The following KCNH5 variants were observed in gnomAD, a reference collection of about 807,000 sequenced individuals.
The protein encoded by KCNH5 is potassium voltage-gated channel subfamily H member 5.
Under a neutral mutation model 96.1 loss-of-function variants are expected in KCNH5, and 46 were observed. The ratio of observed to expected loss-of-function variants is 0.48; its 90% CI spans 0.38 to 0.61. The LOEUF (loss-of-function observed/expected upper bound fraction) is 0.61, where lower values mean the gene tolerates loss of function less well. Among genes scored for constraint, KCNH5 ranks in the 20% least tolerant of loss-of-function variants. The pLI is 0.00. For synonymous variants in KCNH5, 439 were observed against 449.8 expected (o/e 0.98, Z 0.30); for missense variants, 907 against 1,225.8 (o/e 0.74, Z 3.88).
In KCNH5 at chr14:62,707,994, G is replaced by A. The variant is rs750798881; in HGVS notation, c.2481C>T (p.Asp827=). Residue 827 remains aspartate, a synonymous_variant, in exon 11 of 11, where the codon GAC becomes GAT. Coordinates refer to ENST00000322893, the MANE Select transcript of KCNH5 (RefSeq NM_139318.5). ...ACTCAGCTTTAGTGACATTATTCCA[G>A]TCTTCCTTTTTCTCCTCATGGGCTC... is the stretch of plus-strand genomic sequence containing the variant. ...NMGAHEEKKE[D]WNNVTKAESM... 6.8e-6 allele frequency: 11 copies of A among 1,614,046 alleles called. No homozygotes were observed. In the East Asian group the frequency reaches 2.2e-4, roughly 33 times the overall value.
At chr14:62,910,344 C>G (rs1461944119) in intron 7 of KCNH5, among the ~76,000 whole-genome samples, 2 of 152,086 alleles carry the variant, frequency 1.3e-5, no homozygotes, top group East Asian at 3.9e-4. Context: ...TTCACAGATA[C>G]TAGTACATAT....
intron 1 of KCNH5, among the ~76,000 whole-genome samples, chr14:63,037,525 C>G (rs1239905978): frequency 1.3e-5 from 2 of 152,080 alleles, no homozygotes; most frequent in African/African-American, 2.4e-5. Context: ...TTGAGGAACT[C>G]CTCTATTTTT....
intron 10 of KCNH5, among the ~76,000 whole-genome samples, chr14:62,727,203 A>G (rs984513340): frequency 2.6e-5 from 4 of 152,046 alleles, no homozygotes; most frequent in African/African-American, 9.7e-5. Flanking sequence ...CGTCTCTACT[A>G]AAAATACAAA....
chr14:63,002,031 G>A (rs1281447753), intron 3 of KCNH5, among the ~76,000 whole-genome samples: 1 of 152,180 alleles, frequency 6.6e-6, no homozygotes, highest in East Asian at 1.9e-4. Context: ...CCACATCAGA[G>A]AGAGAGGATG....
chr14:62,867,682 A>G (rs1223192112), intron 7 of KCNH5, among the ~76,000 whole-genome samples: 2 of 152,126 alleles, frequency 1.3e-5, no homozygotes, highest in African/African-American at 2.4e-5. Flanking sequence ...CTCTTATCAC[A>G]AGTAGAATAA....
intron 4 of KCNH5, among the ~76,000 whole-genome samples, chr14:62,998,680 T>C (rs1890954674): frequency 6.6e-6 from 1 of 152,226 alleles, no homozygotes; most frequent in African/African-American, 2.4e-5. Flanking sequence ...TAAAAATATT[T>C]TTCTAACTTA....
chr14:62,950,291 G>A lies in KCNH5; in HGVS notation c.1211C>T (p.Thr404Ile). 1.9e-6 allele frequency: 3 copies of A among 1,613,962 alleles called. No homozygotes were observed. Among genetic ancestry groups the A allele is most frequent in the South Asian group, 2.2e-5 (2 of 91,060 alleles). The change falls in exon 7 of 11, where the codon ACC (threonine) becomes ATC (isoleucine). Residue 404 changes from threonine to isoleucine, a missense_variant. Transcript: ENST00000322893. ...LSIGTPYRYN[T>I]SAGIWEGGPS... ...TCCTCCTTCCCATATCCCAGCACTGGTATTGTAGCGATATGGAGTCCCAAT... is the reference window on the plus strand; with the variant it reads ...TCCTCCTTCCCATATCCCAGCACTGATATTGTAGCGATATGGAGTCCCAAT...
At chr14:63,043,102 C>T (rs1200704590) in intron 1 of KCNH5, among the ~76,000 whole-genome samples, 1 of 152,070 alleles carries the variant, frequency 6.6e-6, no homozygotes, top group Non-Finnish European at 1.5e-5. Context: ...AAAATGGAGG[C>T]AACAGAAACA....
At chr14:62,741,826 T>C (rs1017391539) in intron 10 of KCNH5, among the ~76,000 whole-genome samples, 1 of 152,180 alleles carries the variant, frequency 6.6e-6, no homozygotes, top group African/African-American at 2.4e-5. Flanking sequence ...AAAGAAAGAA[T>C]AGCATTAGTG....
At chr14:63,023,391 G>C (rs1472827719) in intron 1 of KCNH5, among the ~76,000 whole-genome samples, 1 of 151,936 alleles carries the variant, frequency 6.6e-6, no homozygotes, top group Non-Finnish European at 1.5e-5. Context: ...TTTTTGCAGG[G>C]TTCTCTTTTT....
At chr14:62,945,082 A>G (rs1322481226) in intron 7 of KCNH5, among the ~76,000 whole-genome samples, 3 of 152,176 alleles carry the variant, frequency 2.0e-5, no homozygotes, top group Non-Finnish European at 4.4e-5. Flanking sequence ...CTATTCATGA[A>G]GGAGAGAAGG....
intron 10 of KCNH5, among the ~76,000 whole-genome samples, chr14:62,759,687 T>A (rs1885706056): frequency 6.6e-6 from 1 of 151,994 alleles, no homozygotes; most frequent in Non-Finnish European, 1.5e-5. Flanking sequence ...TATCTGATCA[T>A]CACCACTGTT....
At chr14:62,826,183 CTCT>C (rs925175793) in intron 8 of KCNH5, among the ~76,000 whole-genome samples, 3 of 150,020 alleles carry the variant, frequency 2.0e-5, no homozygotes, top group African/African-American at 4.9e-5. Context: ...GCTATTTAAA[CTCT>C]TCTTTCATCT....
intron 4 of KCNH5, among the ~76,000 whole-genome samples, chr14:62,993,977 T>C (rs1890861020): frequency 6.6e-6 from 1 of 152,086 alleles, no homozygotes; most frequent in Non-Finnish European, 1.5e-5. Flanking sequence ...TGCCAGCTCC[T>C]TCTTAATAAA....
intron 2 of KCNH5, among the ~76,000 whole-genome samples, chr14:63,006,723 T>C (rs1891135143): frequency 6.6e-6 from 1 of 152,226 alleles, no homozygotes; most frequent in Non-Finnish European, 1.5e-5. Flanking sequence ...TTCCACAGTA[T>C]GTTAACTGTG....
intron 8 of KCNH5, among the ~76,000 whole-genome samples, chr14:62,802,913 G>A (rs1008927919): frequency 3.9e-5 from 6 of 152,144 alleles, no homozygotes; most frequent in East Asian, 1.9e-4. Context: ...AGGCCAAGGC[G>A]GGTAGATCAC....
intron 7 of KCNH5, among the ~76,000 whole-genome samples, chr14:62,866,043 T>G (rs1888128713): frequency 6.6e-6 from 1 of 152,288 alleles, no homozygotes; most frequent in African/African-American, 2.4e-5. Flanking sequence ...GAAAACTCCA[T>G]CATCTGGAAA....
intron 7 of KCNH5, among the ~76,000 whole-genome samples, chr14:62,936,535 C>T (rs1808735159): frequency 6.6e-6 from 1 of 151,696 alleles, no homozygotes; most frequent in Non-Finnish European, 1.5e-5. Flanking sequence ...ATCAGCCGGG[C>T]ATGGTGGTGC....
intron 10 of KCNH5, among the ~76,000 whole-genome samples, chr14:62,777,337 T>A (rs1423757362): frequency 6.6e-6 from 1 of 152,166 alleles, no homozygotes; most frequent in Non-Finnish European, 1.5e-5. Flanking sequence ...AACTAGCTGT[T>A]CCAGTCTTAG....
Sources: gnomAD v4.1 joint callset for allele counts (sites outside exome capture counted in the v4.1 genomes callset) on GRCh38, gnomAD v4.1.1 for gene constraint, MANE v1.5 for transcripts, NCBI Gene and HGNC (gene_info 2026-07-23, HGNC 2026-07-21) for gene names.